Variants in PPP3R1 observed in about 807,000 individuals in gnomAD.
The protein encoded by PPP3R1 is calcineurin subunit B type 1.
In PPP3R1, 5 loss-of-function variants were observed where a neutral mutation model predicts 22.6. The ratio of observed to expected loss-of-function variants is 0.22; its 90% CI spans 0.12 to 0.46. The LOEUF is 0.46. Among genes scored for constraint, PPP3R1 ranks in the 20% least tolerant of loss-of-function variants. The pLI is 0.99. For synonymous variants in PPP3R1, 56 were observed against 65.2 expected (o/e 0.86, Z 0.68); for missense variants, 61 against 203.2 (o/e 0.30, Z 4.25).
intron 1 of PPP3R1, among the ~76,000 whole-genome samples, chr2:68,218,926 C>A (rs2103773951): frequency 6.6e-6 from 1 of 152,204 alleles, no homozygotes; most frequent in East Asian, 1.9e-4. Flanking sequence ...AGACAACGTC[C>A]ACAAGACCTA....
chr2:68,241,015 A>G (rs1039768242), intron 1 of PPP3R1, among the ~76,000 whole-genome samples: 1 of 152,228 alleles, frequency 6.6e-6, no homozygotes, highest in Admixed American at 6.5e-5. Context: ...CCAACATTAC[A>G]AAGAAGAAAA....
chr2:68,202,847 G>T (rs1317341142), intron 2 of PPP3R1, among the ~76,000 whole-genome samples: 3 of 122,608 alleles, frequency 2.4e-5, no homozygotes, highest in Non-Finnish European at 4.7e-5. Flanking sequence ...CTGTCGCCCA[G>T]GCTGGAGTGC....
At chr2:68,207,230 A>G (rs1221418192) in intron 2 of PPP3R1, among the ~76,000 whole-genome samples, 5 of 151,968 alleles carry the variant, frequency 3.3e-5, no homozygotes, top group African/African-American at 1.2e-4. Context: ...ATAAAAAAAA[A>G]AAAAAAGCAT....
intron 2 of PPP3R1, among the ~76,000 whole-genome samples, chr2:68,212,168 C>G (rs1367487602): frequency 6.6e-6 from 1 of 152,184 alleles, no homozygotes; most frequent in South Asian, 2.1e-4. Flanking sequence ...GCAACCTCCA[C>G]CTCAGGAGTT....
intron 2 of PPP3R1, among the ~76,000 whole-genome samples, chr2:68,211,954 C>A (rs1669495105): frequency 6.6e-6 from 1 of 152,152 alleles, no homozygotes. Flanking sequence ...AAGCCCTGAA[C>A]CCCTCAAAAT....
chr2:68,251,144 C>T (rs543499251), intron 1 of PPP3R1: 1 of 152,300 alleles, frequency 6.6e-6, no homozygotes, highest in Admixed American at 6.5e-5. Context: ...AGGAAACTAA[C>T]GACTAGGGCT....
In PPP3R1 at chr2:68,252,142, C is replaced by T; in HGVS notation, c.-15G>A. On this transcript the variant is annotated 5_prime_UTR_variant, in exon 1 of 6. Transcript: ENST00000234310. ...GGTCTCACCATTTTGCTCGGCGGGT[C>T]GGCGGCTCGCTGGCTCGCTGGCTCG... is the stretch of plus-strand genomic sequence containing the variant. The T allele has an allele frequency of 7.0e-7, 1 of 1,428,136 alleles. No individual in the cohort carries two copies. Among genetic ancestry groups the T allele is most frequent in the South Asian group, 1.4e-5 (1 of 73,160 alleles). 88.5% of individuals were successfully genotyped at this position (1,428,136 alleles called of 1,614,324 possible).
intron 2 of PPP3R1, among the ~76,000 whole-genome samples, chr2:68,213,762 A>C (rs1266932328): frequency 2.0e-5 from 3 of 152,204 alleles, no homozygotes; most frequent in African/African-American, 7.2e-5. Flanking sequence ...TACCCAAAAC[A>C]ATTTACAAAT....
intron 1 of PPP3R1, among the ~76,000 whole-genome samples, chr2:68,242,478 T>C (rs959934624): frequency 6.6e-5 from 10 of 151,496 alleles, no homozygotes; most frequent in Non-Finnish European, 4.4e-5. Flanking sequence ...ACGTTAACAG[T>C]CCAGAAGCAA....
chr2:68,244,467 C>G (rs1670195683), intron 1 of PPP3R1, among the ~76,000 whole-genome samples: 1 of 152,180 alleles, frequency 6.6e-6, no homozygotes, highest in African/African-American at 2.4e-5. Context: ...TCCTGAGATA[C>G]TAAGATGATT....
chr2:68,195,525 T>C (rs576931469), intron 2 of PPP3R1, among the ~76,000 whole-genome samples: 2 of 152,144 alleles, frequency 1.3e-5, no homozygotes, highest in South Asian at 4.1e-4. Flanking sequence ...GGAGAGGGGG[T>C]AGGGAATACT....
chr2:68,199,467 T>C (rs746091526), intron 2 of PPP3R1, among the ~76,000 whole-genome samples: 31 of 152,194 alleles, frequency 2.0e-4, no homozygotes, highest in Admixed American at 1.1e-3. Flanking sequence ...CTTGATCATG[T>C]TGTGACTAGG....
intron 2 of PPP3R1, among the ~76,000 whole-genome samples, chr2:68,189,164 C>T (rs1207165316): frequency 6.6e-6 from 1 of 152,114 alleles, no homozygotes; most frequent in Non-Finnish European, 1.5e-5. Context: ...TAGTTCATGA[C>T]TCAAAAATTC....
At chr2:68,184,442 C>T (rs571062248) in intron 5 of PPP3R1, among the ~76,000 whole-genome samples, 2 of 152,282 alleles carry the variant, frequency 1.3e-5, no homozygotes, top group African/African-American at 2.4e-5. Flanking sequence ...CTTGTGAGTA[C>T]ATAACCCTTT....
At chr2:68,188,407 G>A in intron 3 of PPP3R1, 107 bp downstream of exon 3, 1 of 888,436 alleles carries the variant, frequency 1.1e-6, no homozygotes. Flanking sequence ...ATCTATTATT[G>A]TAAGGTCACT....
Position 68,179,010 on chromosome 2 carries a change from A to AAAAAGC in PPP3R1, c.*1952_*1953insGCTTTT, listed in dbSNP as rs1674347762. ...ACACACAAACTAAAAAAAAAAAAAA[A>AAAAAGC]AAAAAAGAAAAAGAAAAAACCCTCA... On this transcript the variant is annotated 3_prime_UTR_variant, in exon 6 of 6. Coordinates refer to ENST00000234310, the MANE Select transcript of PPP3R1 (RefSeq NM_000945.4). 4.7e-5 allele frequency: 1 copy of AAAAAGC among 21,200 alleles called. No homozygotes were observed. The highest frequency in any genetic ancestry group is 7.4e-5 in the Non-Finnish European group (1 of 13,500). The allele number at this position is 21,200 out of a possible 1,614,324, so 1.3% of individuals were successfully genotyped here.
Position 68,248,702 on chromosome 2 carries a change from T to C in PPP3R1, c.3+3423A>G, listed in dbSNP as rs568476658. On this transcript the variant is annotated intron_variant, in intron 1 of 5. Coordinates refer to ENST00000234310, the MANE Select transcript of PPP3R1 (RefSeq NM_000945.4). ...CCTCCCTTTAGGATTTAAAGTGCCT[T>C]CTTCTAGATGCCTCCAACTCTGCCT... is the stretch of plus-strand genomic sequence containing the variant. 3.3e-5 allele frequency among the ~76,000 whole-genome samples: 5 copies of C among 152,312 alleles called. No homozygotes were observed. In the East Asian group the frequency reaches 5.8e-4, roughly 18 times the overall value.
intron 1 of PPP3R1, among the ~76,000 whole-genome samples, chr2:68,224,597 G>A (rs924721252): frequency 6.6e-6 from 1 of 151,806 alleles, no homozygotes; most frequent in African/African-American, 2.4e-5. Context: ...CTGGGAAGCA[G>A]AGGTTGCAGT....
intron 1 of PPP3R1, among the ~76,000 whole-genome samples, chr2:68,220,358 A>T (rs898623744): frequency 7.9e-5 from 12 of 152,186 alleles, no homozygotes; most frequent in Admixed American, 7.9e-4. Context: ...TTTGAGAGGA[A>T]ACTCCCCAAG....
Sources: gnomAD v4.1 joint callset for allele counts (sites outside exome capture counted in the v4.1 genomes callset) on GRCh38, gnomAD v4.1.1 for gene constraint, MANE v1.5 for transcripts, NCBI Gene and HGNC (gene_info 2026-07-23, HGNC 2026-07-21) for gene names.